The following TTLL5 variants were observed in gnomAD, a reference collection of about 807,000 sequenced individuals.
The protein encoded by TTLL5 is tubulin polyglutamylase TTLL5.
In TTLL5, 132 loss-of-function variants were observed where a neutral mutation model predicts 168.4. That is an observed-to-expected ratio of 0.78 (90% CI 0.68 to 0.91). TTLL5 has a LOEUF of 0.91. TTLL5 is among the 40% of genes least tolerant of loss of function. TTLL5 has a pLI of 0.00. For missense variants in TTLL5, 1,545 were observed against 1,581.5 expected, an observed-to-expected ratio of 0.98 and a Z score of 0.39; for synonymous variants, 546 against 558.6, an observed-to-expected ratio of 0.98 and a Z score of 0.32.
intron 28 of TTLL5, among the ~76,000 whole-genome samples, chr14:75,829,847 A>T (rs1476043244): frequency 6.6e-6 from 1 of 152,238 alleles, no homozygotes; most frequent in Non-Finnish European, 1.5e-5. Context: ...ATAATGTATT[A>T]GTCAAAACAC....
intron 26 of TTLL5, among the ~76,000 whole-genome samples, chr14:75,787,700 G>A (rs967174460): frequency 7.9e-5 from 12 of 152,064 alleles, no homozygotes; most frequent in African/African-American, 2.4e-4. Context: ...TAGACAAAAC[G>A]CCTCAAGCGT....
intron 9 of TTLL5, among the ~76,000 whole-genome samples, chr14:75,715,552 A>C (rs1430254341): frequency 2.6e-5 from 4 of 152,130 alleles, no homozygotes; most frequent in African/African-American, 4.8e-5. Context: ...CTGGGGTAGG[A>C]GGAAAGATGA....
At chr14:75,667,662 G>T (rs531026882) in intron 2 of TTLL5, among the ~76,000 whole-genome samples, 1 of 151,198 alleles carries the variant, frequency 6.6e-6, no homozygotes, top group South Asian at 2.1e-4. Flanking sequence ...CTAGAAAGCA[G>T]TTGGCAGCTT....
intron 5 of TTLL5, chr14:75,684,872 C>T (rs1207892608): frequency 6.6e-6 from 1 of 152,172 alleles, no homozygotes. Flanking sequence ...ATGTTCTATA[C>T]AGAACTTGAG....
Position 75,884,124 on chromosome 14 carries a change from G to A in TTLL5, c.3740+1222G>A, listed in dbSNP as rs28406264. Reference sequence around the variant, plus strand: ...TTAAATGTTAACAGAGTTAATATGTGTGAAGTACATAGAGTAAGGCCCGGC... The same window carrying A: ...TTAAATGTTAACAGAGTTAATATGTATGAAGTACATAGAGTAAGGCCCGGC... On this transcript the variant is annotated intron_variant, in intron 30 of 31. Transcript: ENST00000298832. Among the ~76,000 whole-genome samples the A allele has an allele frequency of 6.1e-3, 931 of 152,362 alleles. 9 individuals carry two copies. Among genetic ancestry groups the A allele is most frequent in the African/African-American group, 0.022 (901 of 41,572 alleles).
At chr14:75,738,346 T>C (rs1431064887) in intron 15 of TTLL5, among the ~76,000 whole-genome samples, 1 of 152,232 alleles carries the variant, frequency 6.6e-6, no homozygotes, top group African/African-American at 2.4e-5. Flanking sequence ...AACTGTTGTT[T>C]AGCAAAAAGC....
chr14:75,936,611 C>T (rs1489754612), intron 31 of TTLL5, among the ~76,000 whole-genome samples: 2 of 152,198 alleles, frequency 1.3e-5, no homozygotes, highest in Admixed American at 1.3e-4. Context: ...GGAAGCATCT[C>T]TCTTTCTACT....
chr14:75,709,228 A>C, intron 9 of TTLL5: 1 of 761,514 alleles, frequency 1.3e-6, no homozygotes. Context: ...AAGGCTACCT[A>C]TTTATGTACA....
chr14:75,936,625 A>G (rs1354100380), intron 31 of TTLL5, among the ~76,000 whole-genome samples: 1 of 152,092 alleles, frequency 6.6e-6, no homozygotes, highest in Non-Finnish European at 1.5e-5. Context: ...TTCTACTTTA[A>G]TATATATATA....
At chr14:75,757,795 C>A in intron 18 of TTLL5, 1 of 1,569,418 alleles carries the variant, frequency 6.4e-7, no homozygotes, top group Non-Finnish European at 8.6e-7. Flanking sequence ...ACCTGAATAG[C>A]ATTCTCTAAC....
At chr14:75,920,051 A>G (rs1276259647) in intron 31 of TTLL5, among the ~76,000 whole-genome samples, 1 of 152,046 alleles carries the variant, frequency 6.6e-6, no homozygotes, top group Non-Finnish European at 1.5e-5. Context: ...GAGCCCAGGA[A>G]GTGGAGGTTG....
At chr14:75,703,294 C>T (rs1426848690) in intron 7 of TTLL5, among the ~76,000 whole-genome samples, 1 of 152,166 alleles carries the variant, frequency 6.6e-6, no homozygotes, top group Non-Finnish European at 1.5e-5. Context: ...CTAAAACTTC[C>T]CTATAGTAGT....
chr14:75,862,625 T>C (rs1325734154), intron 28 of TTLL5, among the ~76,000 whole-genome samples: 1 of 152,124 alleles, frequency 6.6e-6, no homozygotes, highest in Non-Finnish European at 1.5e-5. Flanking sequence ...TGCTAGGAAG[T>C]ACACAGACAT....
intron 10 of TTLL5, 98 bp downstream of exon 10, chr14:75,718,060 A>G: frequency 1.0e-6 from 1 of 979,448 alleles, no homozygotes; most frequent in Non-Finnish European, 1.6e-6. Flanking sequence ...GGACAACTTT[A>G]CATTAATGTC....
At chr14:75,931,837 C>T (rs1055251176) in intron 31 of TTLL5, among the ~76,000 whole-genome samples, 9 of 152,194 alleles carry the variant, frequency 5.9e-5, no homozygotes, top group South Asian at 2.1e-4. Context: ...CCCTTACTAT[C>T]AACTCCTGTA....
At chr14:75,688,675 G>T (rs934043808) in intron 5 of TTLL5, among the ~76,000 whole-genome samples, 1 of 152,108 alleles carries the variant, frequency 6.6e-6, no homozygotes, top group African/African-American at 2.4e-5. Flanking sequence ...ACACTATCTC[G>T]AGGTAGGTAG....
intron 20 of TTLL5, among the ~76,000 whole-genome samples, chr14:75,769,346 A>G (rs976972688): frequency 1.3e-5 from 2 of 152,144 alleles, no homozygotes; most frequent in African/African-American, 4.8e-5. Flanking sequence ...ATTGTTGCAT[A>G]TCTTATATAC....
At chr14:75,820,374 A>G (rs966489686) in intron 28 of TTLL5, among the ~76,000 whole-genome samples, 2 of 152,212 alleles carry the variant, frequency 1.3e-5, no homozygotes, top group African/African-American at 4.8e-5. Context: ...CATTTCTGAG[A>G]TAGTTAAGAA....
At chr14:75,925,938 C>T (rs2034041000) in intron 31 of TTLL5, among the ~76,000 whole-genome samples, 1 of 151,740 alleles carries the variant, frequency 6.6e-6, no homozygotes, top group African/African-American at 2.4e-5. Context: ...TAATCGCAGG[C>T]ACTTGGCAGG....
Sources: gnomAD v4.1 joint callset for allele counts (sites outside exome capture counted in the v4.1 genomes callset) on GRCh38, gnomAD v4.1.1 for gene constraint, MANE v1.5 for transcripts, NCBI Gene and HGNC (gene_info 2026-07-23, HGNC 2026-07-21) for gene names.